The following MCTP1 variants were observed in gnomAD, a reference collection of about 807,000 sequenced individuals.
MCTP1 encodes the protein multiple C2 and transmembrane domain-containing protein 1.
MCTP1 carries 69 observed loss-of-function variants against 120.6 expected under a neutral mutation model. The observed-to-expected ratio is 0.57, with a 90% CI of 0.47 to 0.70. The LOEUF is 0.70. Among genes scored for constraint, MCTP1 ranks in the 30% least tolerant of loss-of-function variants. The pLI is 0.00. For synonymous variants in MCTP1, 529 were observed against 493.1 expected, an observed-to-expected ratio of 1.07 and a Z score of -0.96; for missense variants, 1,203 against 1,248.8, an observed-to-expected ratio of 0.96 and a Z score of 0.55.
chr5:95,084,261 T>C (rs1472299236), intron 1 of MCTP1, among the ~76,000 whole-genome samples: 1 of 152,188 alleles, frequency 6.6e-6, no homozygotes, highest in African/African-American at 2.4e-5. Flanking sequence ...TAATATTTTT[T>C]ATTTCCATAT....
intron 1 of MCTP1, among the ~76,000 whole-genome samples, chr5:95,234,276 T>C (rs1049922759): frequency 6.6e-6 from 1 of 152,062 alleles, no homozygotes; most frequent in South Asian, 2.1e-4. Context: ...ATTTCAGAGG[T>C]TGTAAACACA....
intron 2 of MCTP1, among the ~76,000 whole-genome samples, chr5:94,989,004 T>A (rs1251255340): frequency 1.3e-5 from 2 of 152,064 alleles, no homozygotes; most frequent in African/African-American, 4.8e-5. Context: ...CCATGACAAG[T>A]GGGGATTATG....
chr5:95,226,549 C>A (rs1276354363), intron 1 of MCTP1, among the ~76,000 whole-genome samples: 2 of 152,050 alleles, frequency 1.3e-5, no homozygotes, highest in Admixed American at 6.6e-5. Context: ...TTCTCCCAGT[C>A]AACTAAGCTC....
At chr5:95,210,876 A>G (rs958884293) in intron 1 of MCTP1, among the ~76,000 whole-genome samples, 14 of 152,214 alleles carry the variant, frequency 9.2e-5, no homozygotes, top group African/African-American at 3.4e-4. Context: ...CCTAGTGGTG[A>G]CAAAATCTCT....
chr5:94,798,007 A>T (rs1780436910), intron 18 of MCTP1, among the ~76,000 whole-genome samples: 1 of 152,034 alleles, frequency 6.6e-6, no homozygotes, highest in Non-Finnish European at 1.5e-5. Context: ...TGATCAAATA[A>T]TTCTGCATAA....
At chr5:95,197,041 G>A (rs545859437) in intron 1 of MCTP1, among the ~76,000 whole-genome samples, 1 of 152,236 alleles carries the variant, frequency 6.6e-6, no homozygotes, top group East Asian at 1.9e-4. Flanking sequence ...TAGTACTCTA[G>A]TTAATTGGGT....
intron 2 of MCTP1, among the ~76,000 whole-genome samples, chr5:95,011,355 A>C (rs1227584978): frequency 1.3e-5 from 2 of 151,712 alleles, no homozygotes; most frequent in Non-Finnish European, 2.9e-5. Flanking sequence ...CTTCTCCTCC[A>C]CTTATTTCTT....
intron 19 of MCTP1, among the ~76,000 whole-genome samples, chr5:94,754,952 T>G (rs1361770129): frequency 6.6e-6 from 1 of 152,208 alleles, no homozygotes; most frequent in Non-Finnish European, 1.5e-5. Flanking sequence ...TTTATACAAC[T>G]CATTCTGGGC....
At chr5:94,835,252 A>T (rs1561717453) in intron 17 of MCTP1, among the ~76,000 whole-genome samples, 1 of 152,182 alleles carries the variant, frequency 6.6e-6, no homozygotes, top group Non-Finnish European at 1.5e-5. Context: ...GATGTTGATT[A>T]CCTGATTTTT....
intron 10 of MCTP1, among the ~76,000 whole-genome samples, chr5:94,900,231 A>T (rs1405120064): frequency 1.3e-5 from 2 of 152,152 alleles, no homozygotes; most frequent in African/African-American, 4.8e-5. Flanking sequence ...GATGTATCTC[A>T]TTTTTGCATG....
At chr5:94,710,962 A>T in intron 20 of MCTP1, 35 bp from the exon 21 acceptor site, 1 of 1,384,402 alleles carries the variant, frequency 7.2e-7, no homozygotes, top group Non-Finnish European at 1.0e-6. Context: ...CAATCTGAGT[A>T]CTTCATACTT....
At chr5:95,250,939 CT>C (rs1272086421) in intron 1 of MCTP1, among the ~76,000 whole-genome samples, 1 of 152,096 alleles carries the variant, frequency 6.6e-6, no homozygotes, top group East Asian at 1.9e-4. Flanking sequence ...ATAAGAATAG[CT>C]TATTTTATTC....
At position 94,987,775 on chromosome 5, in the gene MCTP1, G is replaced by GT. The variant is rs200859447; in HGVS notation, c.838+29591dup. ...ACTTTTTTAGGGGGCAGTGTGGGCA[G>GT]TGTACTACTTTTAATAAGTAAAATG... On this transcript the variant is annotated intron_variant, in intron 2 of 22. Coordinates refer to ENST00000515393, the MANE Select transcript of MCTP1 (RefSeq NM_024717.7). Among the ~76,000 whole-genome samples the GT allele has an allele frequency of 8.7e-3, 1,325 of 152,298 alleles. 19 individuals are homozygous for GT. Among genetic ancestry groups the GT allele is most frequent in the African/African-American group, 0.03 (1,257 of 41,560 alleles).
chr5:94,908,298 G>C (rs1291922315), intron 10 of MCTP1, among the ~76,000 whole-genome samples: 5 of 152,004 alleles, frequency 3.3e-5, no homozygotes, highest in Admixed American at 1.3e-4. Context: ...AATAGTAAAG[G>C]CTACCTGAAG....
At chr5:95,267,495 C>T (rs1758999766) in intron 1 of MCTP1, among the ~76,000 whole-genome samples, 1 of 152,160 alleles carries the variant, frequency 6.6e-6, no homozygotes, top group South Asian at 2.1e-4. Context: ...AATGAAATGG[C>T]ATGTTTTTCC....
chr5:95,209,215 G>C (rs758865984), intron 1 of MCTP1, among the ~76,000 whole-genome samples: 1 of 152,148 alleles, frequency 6.6e-6, no homozygotes, highest in Non-Finnish European at 1.5e-5. Context: ...AAAACATTGA[G>C]GGGAGAAAGT....
intron 1 of MCTP1, among the ~76,000 whole-genome samples, chr5:95,179,972 C>T (rs1411471118): frequency 2.6e-5 from 4 of 152,012 alleles, no homozygotes; most frequent in Non-Finnish European, 5.9e-5. Flanking sequence ...CAAATAGAAA[C>T]CAAAAGCAAG....
chr5:94,707,686 A>G, intron 22 of MCTP1, 119 bp from the exon 23 acceptor site: 3 of 717,560 alleles, frequency 4.2e-6, no homozygotes, highest in South Asian at 1.7e-5. Flanking sequence ...TAGAAGCTGT[A>G]TGGGATCTGC....
chr5:95,105,438 C>T (rs1438430086), intron 1 of MCTP1, among the ~76,000 whole-genome samples: 2 of 152,074 alleles, frequency 1.3e-5, no homozygotes, highest in Non-Finnish European at 2.9e-5. Flanking sequence ...TCTATCTTCT[C>T]CTGGGGAAAT....
Sources: gnomAD v4.1 joint callset for allele counts (sites outside exome capture counted in the v4.1 genomes callset) on GRCh38, gnomAD v4.1.1 for gene constraint, MANE v1.5 for transcripts, NCBI Gene and HGNC (gene_info 2026-07-23, HGNC 2026-07-21) for gene names.